The following PDE1A variants were observed in gnomAD, a reference collection of about 807,000 sequenced individuals.
PDE1A encodes the protein phosphodiesterase 1A, also known as dual specificity calcium/calmodulin-dependent 3',5'-cyclic nucleotide phosphodiesterase 1A.
Under a neutral mutation model 61.7 loss-of-function variants are expected in PDE1A, and 35 were observed. The ratio of observed to expected loss-of-function variants is 0.57; its 90% CI spans 0.43 to 0.75. The LOEUF is 0.75. Among genes scored for constraint, PDE1A ranks in the 30% least tolerant of loss-of-function variants. The pLI, the probability that PDE1A is intolerant of heterozygous loss-of-function variation, is 0.00. For synonymous variants in PDE1A, 232 were observed against 213.2 expected (o/e 1.09, Z -0.77); for missense variants, 597 against 630.6 (o/e 0.95, Z 0.57).
chr2:182,384,811 C>T (rs544667576), intron 1 of PDE1A, among the ~76,000 whole-genome samples: 32 of 152,054 alleles, frequency 2.1e-4, no homozygotes, highest in African/African-American at 7.7e-4. Flanking sequence ...TATTGAAATA[C>T]AGAAAGGTCA....
downstream of PDE1A, among the ~76,000 whole-genome samples, chr2:182,146,044 T>A (rs1025295782): frequency 5.9e-5 from 9 of 152,226 alleles, no homozygotes; most frequent in Admixed American, 3.3e-4. Flanking sequence ...ACACTTGGAT[T>A]TTGTTCTTTA....
At chr2:182,681,813 T>C in the PDE1A span, among the ~76,000 whole-genome samples, 2 of 152,016 alleles carry the variant, frequency 1.3e-5, no homozygotes, top group South Asian at 4.2e-4. Context: ...GCCCAGCTAA[T>C]TTTTTTGTAT....
intron 1 of PDE1A, among the ~76,000 whole-genome samples, chr2:182,411,361 CTGCTGTA>C (rs1417856969): frequency 6.6e-6 from 1 of 152,278 alleles, no homozygotes; most frequent in African/African-American, 2.4e-5. Context: ...TCTTTTCTCA[CTGCTGTA>C]TAGCATTCCA....
chr2:182,481,855 A>G (rs1040196754), intron 2 of PDE1A, among the ~76,000 whole-genome samples: 12 of 151,962 alleles, frequency 7.9e-5, no homozygotes, highest in Admixed American at 3.9e-4. Flanking sequence ...TAATCTGATA[A>G]GAGGCATCTA....
At chr2:182,593,786 G>A in the PDE1A span, among the ~76,000 whole-genome samples, 167 of 152,286 alleles carry the variant, frequency 1.1e-3, no homozygotes, top group Non-Finnish European at 1.0e-3. Context: ...TCTCTGTAGT[G>A]TAACACAGTA....
the PDE1A span, among the ~76,000 whole-genome samples, chr2:182,701,690 T>C: frequency 2.9e-4 from 44 of 152,208 alleles, 1 homozygote; most frequent in South Asian, 6.4e-3. Context: ...GCTTAACTTT[T>C]AAACCTGTGT....
At chr2:182,221,411 T>C (rs924287807) in intron 7 of PDE1A, among the ~76,000 whole-genome samples, 1 of 152,112 alleles carries the variant, frequency 6.6e-6, no homozygotes. Flanking sequence ...CCAGTGGATG[T>C]AGAGAGCCTT....
At chr2:182,239,024 A>T (rs1240513464) in intron 3 of PDE1A, among the ~76,000 whole-genome samples, 2 of 152,188 alleles carry the variant, frequency 1.3e-5, no homozygotes, top group Non-Finnish European at 2.9e-5. Flanking sequence ...TACTATTTAG[A>T]TATTTTTAAT....
chr2:182,696,287 G>A, the PDE1A span, among the ~76,000 whole-genome samples: 1 of 152,120 alleles, frequency 6.6e-6, no homozygotes, highest in African/African-American at 2.4e-5. Context: ...ACTGCTTAAA[G>A]GAAATGAATT....
chr2:182,427,066 C>G (rs1015874445), upstream of PDE1A: 1 of 972,728 alleles, frequency 1.0e-6, no homozygotes, highest in African/African-American at 1.8e-5. Context: ...TTAAAACAGA[C>G]TGTTCTGAGG....
chr2:182,211,497 A>ATGAG (rs576044028), intron 7 of PDE1A, among the ~76,000 whole-genome samples: 46 of 152,314 alleles, frequency 3.0e-4, no homozygotes, highest in Middle Eastern at 3.4e-3. Context: ...GTTAGCTATT[A>ATGAG]TGAGTCTTTT....
At chr2:182,623,974 A>C in the PDE1A span, among the ~76,000 whole-genome samples, 149 of 152,038 alleles carry the variant, frequency 9.8e-4, 2 homozygotes, top group East Asian at 0.026. Context: ...AAATACAAAA[A>C]ATTAGCCGGG....
the PDE1A span, among the ~76,000 whole-genome samples, chr2:182,694,848 G>GT: frequency 1.3e-3 from 184 of 142,606 alleles, no homozygotes; most frequent in Middle Eastern, 3.7e-3. Context: ...ACAGTTGTTT[G>GT]TTTGTTTTTT....
chr2:182,283,769 G>A (rs1693978373), intron 1 of PDE1A, among the ~76,000 whole-genome samples: 1 of 152,032 alleles, frequency 6.6e-6, no homozygotes, highest in African/African-American at 2.4e-5. Context: ...TTTCGACAAA[G>A]TTGTAAAGAT....
chr2:182,696,677 G>A, the PDE1A span, among the ~76,000 whole-genome samples: 2 of 152,174 alleles, frequency 1.3e-5, no homozygotes, highest in Non-Finnish European at 2.9e-5. Flanking sequence ...ACCACTCTGG[G>A]AGGGGATGTT....
At chr2:182,244,635 C>G (rs1223150727) in intron 2 of PDE1A, among the ~76,000 whole-genome samples, 1 of 152,108 alleles carries the variant, frequency 6.6e-6, no homozygotes, top group Non-Finnish European at 1.5e-5. Context: ...ATAGGATGAG[C>G]TCACAGATTT....
intron 2 of PDE1A, among the ~76,000 whole-genome samples, chr2:182,473,142 G>A (rs529949107): frequency 6.6e-6 from 1 of 151,660 alleles, no homozygotes; most frequent in Non-Finnish European, 1.5e-5. Flanking sequence ...ATGGATTAAA[G>A]ACTTAAACCT....
At chr2:182,581,743 A>T in the PDE1A span, among the ~76,000 whole-genome samples, 1 of 152,140 alleles carries the variant, frequency 6.6e-6, no homozygotes, top group Non-Finnish European at 1.5e-5. Flanking sequence ...AAGAAACAGA[A>T]GCCTAGGGCA....
the PDE1A span, among the ~76,000 whole-genome samples, chr2:182,568,895 A>G: frequency 1.3e-5 from 2 of 152,096 alleles, no homozygotes; most frequent in African/African-American, 4.8e-5. Context: ...ATGTTTTAAG[A>G]GATTAATCAC....
Sources: gnomAD v4.1 joint callset for allele counts (sites outside exome capture counted in the v4.1 genomes callset) on GRCh38, gnomAD v4.1.1 for gene constraint, MANE v1.5 for transcripts, NCBI Gene and HGNC (gene_info 2026-07-23, HGNC 2026-07-21) for gene names.